Variants in CD5 observed in about 807,000 individuals in gnomAD.
CD5 encodes the protein CD5 molecule.
CD5 carries 36 observed loss-of-function variants against 60.3 expected under a neutral mutation model. The ratio of observed to expected loss-of-function variants is 0.60; its 90% confidence interval spans 0.46 to 0.79. The LOEUF (loss-of-function observed/expected upper bound fraction) is 0.79. Among genes scored for constraint, CD5 ranks in the 30% least tolerant of loss-of-function variants. The pLI is 0.00. For synonymous variants in CD5, 230 were observed against 257.6 expected (o/e 0.89, Z 1.03); for missense variants, 540 against 630.6 (o/e 0.86, Z 1.54).
intron 1 of CD5, among the ~76,000 whole-genome samples, chr11:61,106,545 A>G (rs1490961804): frequency 3.3e-5 from 5 of 152,176 alleles, no homozygotes; most frequent in African/African-American, 4.8e-5. Context: ...GGGGCCCAGG[A>G]AGGGACCTGG....
chr11:61,101,528 A>C (rs1431225994), upstream of CD5, among the ~76,000 whole-genome samples: 1 of 151,874 alleles, frequency 6.6e-6, no homozygotes, highest in Non-Finnish European at 1.5e-5. Context: ...GAGATCACAC[A>C]CACAACACAG....
intron 1 of CD5, among the ~76,000 whole-genome samples, chr11:61,110,230 A>C (rs932478150): frequency 3.9e-5 from 6 of 152,182 alleles, no homozygotes. Context: ...ATAAAAAAAA[A>C]ACCTGAACAT....
At chr11:61,105,633 T>G (rs556871527) in intron 1 of CD5, among the ~76,000 whole-genome samples, 10 of 152,274 alleles carry the variant, frequency 6.6e-5, no homozygotes, top group African/African-American at 2.4e-4. Context: ...TGCACAGCCG[T>G]CAATCTCTCT....
At chr11:61,112,355 G>A (rs1860868321) in intron 1 of CD5, among the ~76,000 whole-genome samples, 1 of 152,180 alleles carries the variant, frequency 6.6e-6, no homozygotes, top group South Asian at 2.1e-4. Context: ...CAATAGATCA[G>A]ATGATTGGCT....
At chr11:61,095,342 T>A in the CD5 span, among the ~76,000 whole-genome samples, 1 of 152,218 alleles carries the variant, frequency 6.6e-6, no homozygotes, top group Non-Finnish European at 1.5e-5. Flanking sequence ...CTGGGGTAGA[T>A]GAGGACGGAC....
At position 61,118,529 on chromosome 11, in the gene CD5, C is replaced by A. The variant is rs759934802; in HGVS notation, c.400+49C>A. Reference sequence around the variant, plus strand: ...GGCACCCTGGGCCTGGGCGCCAGCCCCGAGGAGACTGCCCGAGGCCTGTGA... The same window carrying A: ...GGCACCCTGGGCCTGGGCGCCAGCCACGAGGAGACTGCCCGAGGCCTGTGA... On this transcript the variant is annotated intron_variant, in intron 3 of 10. Coordinates refer to ENST00000347785, the MANE Select transcript of CD5 (RefSeq NM_014207.4). This position sits in a 1 kb window ranked among gnomAD's most constrained non-coding sequence, Gnocchi z 4.7. The A allele has an allele frequency of 1.9e-6, 3 of 1,570,048 alleles. No individual in the cohort carries two copies. The highest frequency in any genetic ancestry group is 2.6e-6 in the Non-Finnish European group (3 of 1,150,178).
intron 5 of CD5, among the ~76,000 whole-genome samples, chr11:61,120,474 C>T (rs1861041763): frequency 6.6e-6 from 1 of 152,102 alleles, no homozygotes; most frequent in East Asian, 1.9e-4. Flanking sequence ...AAACCTCTCG[C>T]CCAGTACTAT....
intron 1 of CD5, among the ~76,000 whole-genome samples, chr11:61,103,912 T>G (rs3862665): frequency 0.18 from 7,137 of 38,596 alleles, 680 homozygotes; most frequent in African/African-American, 0.32. Context: ...GTACTGTGTG[T>G]GGGGGGGGAA....
chr11:61,095,611 A>G, the CD5 span, among the ~76,000 whole-genome samples: 10 of 151,972 alleles, frequency 6.6e-5, no homozygotes, highest in African/African-American at 2.4e-4. Context: ...AATTACCAAA[A>G]CCCCCAAGAA....
At chr11:61,107,667 C>T (rs1252566965) in intron 1 of CD5, among the ~76,000 whole-genome samples, 1 of 152,210 alleles carries the variant, frequency 6.6e-6, no homozygotes, top group East Asian at 1.9e-4. Flanking sequence ...AGATAAGAGA[C>T]TGTGGGCCTG....
At chr11:61,099,429 A>ATC (rs1252078789), upstream of CD5, among the ~76,000 whole-genome samples, 14 of 89,734 alleles carry the variant, frequency 1.6e-4, no homozygotes, top group Non-Finnish European at 2.9e-4. Flanking sequence ...CAACATGGAG[A>ATC]TCACACACAC....
Position 61,123,998 on chromosome 11 carries a change from G to A in CD5, c.1279+61G>A. The A allele has an allele frequency of 7.5e-6, 10 of 1,341,918 alleles. 1 individual carries two copies. Among genetic ancestry groups the A allele is most frequent in the South Asian group, 3.5e-5 (3 of 84,750 alleles). 83.1% of individuals were successfully genotyped at this position (1,341,918 alleles called of 1,614,324 possible). A position where few individuals can be genotyped will look rare whatever the true frequency, so the allele number is the denominator to read the frequency against. On this transcript the variant is annotated intron_variant, in intron 8 of 10. Transcript: ENST00000347785. Reference sequence around the variant, plus strand: ...CCTGGACAGAGGCCATGGAGGCAGAGTCGAGGCTCTCTGCTGACCACAGAC... The same window carrying A: ...CCTGGACAGAGGCCATGGAGGCAGAATCGAGGCTCTCTGCTGACCACAGAC...
upstream of CD5, among the ~76,000 whole-genome samples, chr11:61,099,409 T>TCACACACATACATCAACATGGAGATTA (rs1860625606): frequency 7.8e-6 from 1 of 128,162 alleles, no homozygotes; most frequent in Non-Finnish European, 1.6e-5. Context: ...AACATGGAAA[T>TCACACACATACATCAACATGGAGATTA]CACACACATC....
chr11:61,110,446 G>A (rs1458295988), intron 1 of CD5, among the ~76,000 whole-genome samples: 1 of 152,234 alleles, frequency 6.6e-6, no homozygotes, highest in Non-Finnish European at 1.5e-5. Flanking sequence ...AGCCCAGAGA[G>A]GCTGAGTGGC....
intron 1 of CD5, among the ~76,000 whole-genome samples, chr11:61,111,806 C>T (rs897129532): frequency 2.0e-5 from 3 of 152,216 alleles, no homozygotes; most frequent in Admixed American, 2.0e-4. Context: ...CTTCCCCCAG[C>T]CCACCCTACT....
chr11:61,118,128 G>A lies in CD5; in HGVS notation c.95-47G>A. The A allele has an allele frequency of 6.4e-7, 1 of 1,572,114 alleles. No homozygotes were observed. Among genetic ancestry groups the A allele is most frequent in the Non-Finnish European group, 8.7e-7 (1 of 1,151,706 alleles). On this transcript the variant is annotated intron_variant, in intron 2 of 10. Transcript: ENST00000347785. The surrounding 1 kb of genome is among the most constrained non-coding windows in gnomAD (Gnocchi z 4.7). ...GAGAGGGCAGTGAGGGGTGCCAGTGGGGAACCCCTCCCAGCCTGACCCCCA... is the reference window on the plus strand; with the variant it reads ...GAGAGGGCAGTGAGGGGTGCCAGTGAGGAACCCCTCCCAGCCTGACCCCCA...
chr11:61,122,046 A>G, intron 6 of CD5, 142 bp downstream of exon 6: 1 of 657,688 alleles, frequency 1.5e-6, no homozygotes, highest in Non-Finnish European at 2.3e-6. Flanking sequence ...AGACAGGGAA[A>G]TTGGAAGGCT....
the CD5 span, among the ~76,000 whole-genome samples, chr11:61,095,983 C>A: frequency 1.3e-5 from 2 of 152,118 alleles, no homozygotes; most frequent in Non-Finnish European, 2.9e-5. Context: ...CTGGGGTTTG[C>A]GGGTATGAAT....
intron 2 of CD5, among the ~76,000 whole-genome samples, chr11:61,117,930 G>A (rs1860988478): frequency 6.6e-6 from 1 of 152,230 alleles, no homozygotes; most frequent in Admixed American, 6.5e-5. Flanking sequence ...CCATTTATCT[G>A]AGCTCCCTTC....
Sources: allele counts gnomAD v4.1 joint callset (sites outside exome capture counted in the v4.1 genomes callset), GRCh38; gene constraint gnomAD v4.1.1; non-coding constraint Gnocchi (gnomAD v3.1); transcripts MANE v1.5; gene names NCBI Gene and HGNC (gene_info 2026-07-23, HGNC 2026-07-21).